Variants in TICRR observed in about 807,000 individuals in gnomAD.
The protein encoded by TICRR is treslin.
In TICRR, 132 loss-of-function variants were observed where a neutral mutation model predicts 178.1. The observed-to-expected ratio is 0.74, with a 90% CI of 0.64 to 0.86. The LOEUF is 0.86. TICRR is among the 40% of genes least tolerant of loss of function. The probability of loss-of-function intolerance (pLI) is 0.00; values close to 1 mark genes in which losing one functional copy is unlikely to be tolerated. For synonymous variants in TICRR, 991 were observed against 900.7 expected, an observed-to-expected ratio of 1.10 and a Z score of -1.79; for missense variants, 2,587 against 2,334.3, an observed-to-expected ratio of 1.11 and a Z score of -2.23.
intron 1 of TICRR, among the ~76,000 whole-genome samples, chr15:89,580,810 T>C (rs1443077925): frequency 6.6e-6 from 1 of 152,172 alleles, no homozygotes; most frequent in Non-Finnish European, 1.5e-5. Context: ...GACAGGAGGA[T>C]CTCTTGCACC....
chr15:89,609,077 A>G (rs1963216165), intron 15 of TICRR, 128 bp downstream of exon 15: 3 of 585,158 alleles, frequency 5.1e-6, no homozygotes, highest in Non-Finnish European at 7.9e-6. Flanking sequence ...CAGTCTAGCT[A>G]AAGGTTTGTC....
chr15:89,595,184 G>T (rs535631363), intron 6 of TICRR, among the ~76,000 whole-genome samples: 1 of 152,310 alleles, frequency 6.6e-6, no homozygotes, highest in African/African-American at 2.4e-5. Context: ...ACATTGAGAT[G>T]TTTAGTTCCT....
chr15:89,595,463 C>A lies in TICRR; in HGVS notation c.1752C>A (p.Val584=), dbSNP rs527903725. ...GCCGTTCCTTAAAGATGTTGAATGT[C>A]GCAAGGCTGAATGTGAAGGCCCAGA... ...TMCRSLKMLN[V]ARLNVKAQKL... Residue 584 remains valine (V), a synonymous_variant, in exon 7 of 22, where the codon GTC becomes GTA. Coordinates refer to ENST00000268138, the MANE Select transcript of TICRR (RefSeq NM_152259.4). 1 of 1,614,074 alleles carries A rather than the reference C, an allele frequency of 6.2e-7. No homozygotes were observed. Among genetic ancestry groups the A allele is most frequent in the Admixed American group, 1.7e-5 (1 of 60,006 alleles).
In TICRR at chr15:89,592,142, A is replaced by C. The variant is rs748771376; in HGVS notation, c.1507A>C (p.Ser503Arg). 3 of 1,612,730 alleles carry C rather than the reference A, an allele frequency of 1.9e-6. No individual in the cohort carries two copies. Among genetic ancestry groups the C allele is most frequent in the South Asian group, 2.2e-5 (2 of 91,000 alleles). ...VEKWFPFCNI[S>R]GASSDLMESF... is the part of the protein sequence containing the mutation. Reference sequence around the variant, plus strand: ...AAAGTGGTTTCCTTTCTGTAACATCAGTGGTGCCAGTTCCGATTTGATGGA... The same window carrying C: ...AAAGTGGTTTCCTTTCTGTAACATCCGTGGTGCCAGTTCCGATTTGATGGA... Residue 503 changes from serine to arginine, a missense_variant, in exon 5 of 22, where the codon AGT becomes CGT. Physicochemically the swap from Ser to Arg is moderately radical, Grantham distance 110. Transcript: ENST00000268138.
Position 89,623,721 on chromosome 15 carries a change from G to C in TICRR, c.3411G>C (p.Arg1137Ser). ...TPQTPLYTPE[R>S]LQKSPAKMTP... ...AAACTCCGTTGTATACTCCAGAAAG[G>C]CTGCAGAAGTCCCCTGCAAAAATGA... Residue 1137 changes from arginine (R) to serine (S), a missense_variant, in exon 20 of 22, where the codon AGG (arginine) becomes AGC (serine). Coordinates refer to ENST00000268138, the MANE Select transcript of TICRR (RefSeq NM_152259.4). 6.2e-7 allele frequency: 1 copy of C among 1,614,028 alleles called. No individual in the cohort carries two copies. The highest frequency in any genetic ancestry group is 8.5e-7 in the Non-Finnish European group (1 of 1,180,010).
Position 89,583,683 on chromosome 15 carries a change from C to CT in TICRR, c.935-593dup, listed in dbSNP as rs905133271. 4.2e-4 allele frequency among the ~76,000 whole-genome samples: 63 copies of CT among 148,754 alleles called. 1 individual carries two copies. Among genetic ancestry groups the CT allele is most frequent in the Admixed American group, 1.3e-3 (19 of 14,874 alleles). On this transcript the variant is annotated intron_variant, in intron 2 of 21. Transcript: ENST00000268138. ...GTAAACATTGCTTGAATACTTACTT[C>CT]TTTTTTTTTTGAGACAAGGTCTTGC...
Position 89,576,254 on chromosome 15 carries a change from C to A in TICRR, c.654+14C>A. 6.5e-7 allele frequency: 1 copy of A among 1,530,866 alleles called. No homozygotes were observed. The highest frequency in any genetic ancestry group is 8.7e-7 in the Non-Finnish European group (1 of 1,144,040). 94.8% of individuals were successfully genotyped at this position (1,530,866 alleles called of 1,614,324 possible). On this transcript the variant is annotated intron_variant, in intron 1 of 21. Coordinates refer to ENST00000268138, the MANE Select transcript of TICRR (RefSeq NM_152259.4). ...GAATGGTCTAAGGTAAGGAAGGTTACTGTCGTCTCAGATGGCGTGCACGGT... is the reference window on the plus strand; with the variant it reads ...GAATGGTCTAAGGTAAGGAAGGTTAATGTCGTCTCAGATGGCGTGCACGGT...
rs1207627278 is a variant in TICRR, at chr15:89,623,732, C to A, written c.3422C>A (p.Ser1141Tyr). Residue 1141 changes from serine (S) to tyrosine (Y), a missense_variant, in exon 20 of 22, where the codon TCC (serine) becomes TAC (tyrosine). Coordinates refer to ENST00000268138, the MANE Select transcript of TICRR (RefSeq NM_152259.4). ...TATACTCCAGAAAGGCTGCAGAAGT[C>A]CCCTGCAAAAATGACCCCTACAAAG... is the stretch of plus-strand genomic sequence containing the variant. ...PLYTPERLQK[S>Y]PAKMTPTKQA... is the part of the protein sequence containing the mutation. 1 of 1,614,052 alleles carries A rather than the reference C, an allele frequency of 6.2e-7. No individual in the cohort carries two copies. The highest frequency in any genetic ancestry group is 1.7e-5 in the Admixed American group (1 of 60,008).
chr15:89,624,441 C>T lies in TICRR; in HGVS notation c.4131C>T (p.Pro1377=). Residue 1377 remains proline (P), a synonymous_variant, in exon 20 of 22, where the codon CCC becomes CCT. Coordinates refer to ENST00000268138, the MANE Select transcript of TICRR (RefSeq NM_152259.4). Reference sequence around the variant, plus strand: ...CATTGGACACCGTCCCTCCTCCACCCCCTTCTAAAGTTGGGAAACGGTGTA... The same window carrying T: ...CATTGGACACCGTCCCTCCTCCACCTCCTTCTAAAGTTGGGAAACGGTGTA... ...RATLDTVPPP[P]PSKVGKRCRK... is the part of the protein sequence containing the mutation. 1 of 1,614,206 alleles carries T rather than the reference C, an allele frequency of 6.2e-7. No homozygotes were observed. The highest frequency in any genetic ancestry group is 8.5e-7 in the Non-Finnish European group (1 of 1,180,044).
At chr15:89,606,746 T>C (rs1963181223) in intron 13 of TICRR, 22 bp from the exon 14 acceptor site, 3 of 1,611,344 alleles carry the variant, frequency 1.9e-6, no homozygotes, top group South Asian at 1.1e-5. Flanking sequence ...AAATTTTCTT[T>C]CTGGATTTTC....
Position 89,575,664 on chromosome 15 carries a change from C to A in TICRR, c.78C>A (p.Ala26=), listed in dbSNP as rs761279082. Residue 26 remains alanine, a synonymous_variant, in exon 1 of 22, where the codon GCC becomes GCA. Transcript: ENST00000268138. The part of the protein sequence containing the change: ...GAARHSRVRR[A]ALRLLTYLSC... Reference sequence around the variant, plus strand: ...CCCGCCACAGCCGGGTCCGGCGGGCCGCCCTGCGCCTCCTCACCTATCTGA... The same window carrying A: ...CCCGCCACAGCCGGGTCCGGCGGGCAGCCCTGCGCCTCCTCACCTATCTGA... The A allele has an allele frequency of 2.5e-6, 4 of 1,579,726 alleles. No individual in the cohort carries two copies. Among genetic ancestry groups the A allele is most frequent in the Non-Finnish European group, 3.4e-6 (4 of 1,165,244 alleles).
chr15:89,602,565 A>G (rs552826579), intron 12 of TICRR, among the ~76,000 whole-genome samples: 18 of 152,236 alleles, frequency 1.2e-4, no homozygotes, highest in African/African-American at 3.6e-4. Flanking sequence ...AAATAAGCTT[A>G]GAGTTTCAGC....
Position 89,624,936 on chromosome 15 carries a change from C to T in TICRR, c.4626C>T (p.Asn1542=), listed in dbSNP as rs141037732. 2.6e-5 allele frequency: 42 copies of T among 1,614,000 alleles called. No individual in the cohort carries two copies. The highest frequency in any genetic ancestry group is 3.5e-5 in the Non-Finnish European group (41 of 1,180,044). ...RQCQASAQLD[N]LPASAWHSTD... Reference sequence around the variant, plus strand: ...GCCAGGCTTCGGCACAACTAGACAACCTGCCAGCATCAGCTTGGCATTCCA... The same window carrying T: ...GCCAGGCTTCGGCACAACTAGACAATCTGCCAGCATCAGCTTGGCATTCCA... Residue 1542 remains asparagine, a synonymous_variant, in exon 20 of 22, where the codon AAC becomes AAT. Transcript: ENST00000268138.
chr15:89,576,373 CAAAT>C lies in TICRR; in HGVS notation c.654+139_654+142del, dbSNP rs1278544638. ...GACTATGCGTCCCTTCGGAAGGAAA[CAAAT>C]AAATAGGAACAGTTTTCACAACAAA... On this transcript the variant is annotated intron_variant, in intron 1 of 21. Coordinates refer to ENST00000268138, the MANE Select transcript of TICRR (RefSeq NM_152259.4). 21 of 860,932 alleles carry C rather than the reference CAAAT, an allele frequency of 2.4e-5. No homozygotes were observed. The Admixed American group carries it at 3.0e-4, about 12-fold the overall frequency. The allele number at this position is 860,932 out of a possible 1,614,324, so 53.3% of individuals were successfully genotyped here.
At position 89,624,116 on chromosome 15, in the gene TICRR, C is replaced by T. The variant is rs759824316; in HGVS notation, c.3806C>T (p.Pro1269Leu). Reference sequence around the variant, plus strand: ...CCTCAGAATCAAACACACCAACAGCCCCATGTCCTCAGAGCTGCTCGGGCA... The same window carrying T: ...CCTCAGAATCAAACACACCAACAGCTCCATGTCCTCAGAGCTGCTCGGGCA... Reference protein sequence around the residue: ...GTPQNQTHQQPHVLRAARAEE... With the variant: ...GTPQNQTHQQLHVLRAARAEE... Residue 1269 changes from proline to leucine, a missense_variant, in exon 20 of 22, where the codon CCC (proline) becomes CTC (leucine). Transcript: ENST00000268138. The T allele has an allele frequency of 2.5e-6, 4 of 1,613,878 alleles. No individual in the cohort carries two copies. In the East Asian group the frequency reaches 6.7e-5, roughly 27 times the overall value.
intron 7 of TICRR, among the ~76,000 whole-genome samples, chr15:89,597,524 C>CAAA (rs573543978): frequency 8.5e-6 from 1 of 117,528 alleles, no homozygotes; most frequent in African/African-American, 3.4e-5. Flanking sequence ...GACTCTGTCT[C>CAAA]AAAAAAAAAA....
At chr15:89,584,215 T>G in intron 2 of TICRR, 71 bp from the exon 3 acceptor site, 1 of 1,410,016 alleles carries the variant, frequency 7.1e-7, no homozygotes, top group Non-Finnish European at 9.5e-7. Flanking sequence ...TATCTATTCC[T>G]TATATTGGAA....
chr15:89,616,304 G>T, intron 15 of TICRR, 101 bp from the exon 16 acceptor site: 1 of 863,464 alleles, frequency 1.2e-6, no homozygotes, highest in Non-Finnish European at 1.9e-6. Context: ...CTCCAGCTAG[G>T]TAATAAGCCA....
chr15:89,582,992 T>C (rs777087211), intron 2 of TICRR, 27 bp downstream of exon 2: 1 of 1,561,046 alleles, frequency 6.4e-7, no homozygotes, highest in Admixed American at 2.1e-5. Flanking sequence ...TTAAGGTTTT[T>C]TTTTTTTTAA....
Sources: gnomAD v4.1 joint callset for allele counts (sites outside exome capture counted in the v4.1 genomes callset) on GRCh38, gnomAD v4.1.1 for gene constraint, MANE v1.5 for transcripts, NCBI Gene and HGNC (gene_info 2026-07-23, HGNC 2026-07-21) for gene names.